KLF9: variants seen among roughly 807,000 people sequenced by gnomAD.
KLF9 encodes the protein KLF transcription factor 9.
KLF9 carries 2 observed loss-of-function variants against 17.3 expected under a neutral mutation model. That is an observed-to-expected ratio of 0.12 (90% CI 0.05 to 0.36). The LOEUF (loss-of-function observed/expected upper bound fraction) is 0.36. Among genes scored for constraint, KLF9 ranks in the 10% least tolerant of loss-of-function variants. KLF9 has a pLI of 1.00. For synonymous variants in KLF9, 138 were observed against 139.2 expected (o/e 0.99, Z 0.06); for missense variants, 226 against 333.2 (o/e 0.68, Z 2.51).
At chr9:70,395,662 G>A (rs1205795509) in intron 1 of KLF9, among the ~76,000 whole-genome samples, 5 of 152,200 alleles carry the variant, frequency 3.3e-5, no homozygotes, top group African/African-American at 1.2e-4. Flanking sequence ...AAGAAATACT[G>A]GCCAGACGTG....
chr9:70,386,750 G>A lies in KLF9; in HGVS notation c.*1026C>T, dbSNP rs767677852. 1 of 152,308 alleles carries A rather than the reference G, an allele frequency of 6.6e-6. No individual in the cohort carries two copies. Among genetic ancestry groups the A allele is most frequent in the Non-Finnish European group, 1.5e-5 (1 of 68,046 alleles). 9.4% of individuals were successfully genotyped at this position (152,308 alleles called of 1,614,324 possible). Reference sequence around the variant, plus strand: ...TAAAAGCATAGGAAAATTTGGAAAAGTTAATAGAGTTAAAATTCTGTTGGT... The same window carrying A: ...TAAAAGCATAGGAAAATTTGGAAAAATTAATAGAGTTAAAATTCTGTTGGT... On this transcript the variant is annotated 3_prime_UTR_variant, in exon 2 of 2. Coordinates refer to ENST00000377126, the MANE Select transcript of KLF9 (RefSeq NM_001206.4).
At chr9:70,392,410 G>A (rs992157797) in intron 1 of KLF9, among the ~76,000 whole-genome samples, 3 of 152,122 alleles carry the variant, frequency 2.0e-5, no homozygotes, top group Non-Finnish European at 2.9e-5. Context: ...TGGTGTGTAC[G>A]CAGGCTGGAT....
chr9:70,409,200 GTA>G (rs35616865), intron 1 of KLF9, among the ~76,000 whole-genome samples: 20,929 of 118,552 alleles, frequency 0.18, 3,729 homozygotes, highest in African/African-American at 0.35. Flanking sequence ...ACATGTATAT[GTA>G]TATATATATA....
intron 1 of KLF9, among the ~76,000 whole-genome samples, chr9:70,411,871 A>G (rs149902358): frequency 3.7e-4 from 57 of 152,326 alleles, no homozygotes; most frequent in African/African-American, 1.3e-3. Flanking sequence ...TAAAAGAACC[A>G]TTCCGAAGAT....
intron 1 of KLF9, among the ~76,000 whole-genome samples, chr9:70,402,641 T>G (rs1367539619): frequency 6.6e-6 from 1 of 152,206 alleles, no homozygotes; most frequent in Non-Finnish European, 1.5e-5. Flanking sequence ...AGTGGGTGTT[T>G]GCCTAAGCGT....
chr9:70,387,752 T>C lies in KLF9; in HGVS notation c.*24A>G, dbSNP rs201079465. ...CTTTTCTCCTTTCGGGGTCCATCCCTCCCTGGCTTCCACGGGCAGCACCTC... is the reference window on the plus strand; with the variant it reads ...CTTTTCTCCTTTCGGGGTCCATCCCCCCCTGGCTTCCACGGGCAGCACCTC... On this transcript the variant is annotated 3_prime_UTR_variant, in exon 2 of 2. Transcript: ENST00000377126. 1.2e-6 allele frequency: 2 copies of C among 1,607,618 alleles called. No individual in the cohort carries two copies. The highest frequency in any genetic ancestry group is 4.5e-5 in the East Asian group (2 of 44,744).
chr9:70,398,489 A>T (rs938980722), intron 1 of KLF9, among the ~76,000 whole-genome samples: 3 of 143,384 alleles, frequency 2.1e-5, no homozygotes, highest in East Asian at 2.0e-4. Context: ...AGATAACAGA[A>T]TTTTTTTTTT....
chr9:70,409,058 GTGTA>G (rs2037280968), intron 1 of KLF9, among the ~76,000 whole-genome samples: 1 of 79,650 alleles, frequency 1.3e-5, no homozygotes. Context: ...ATACATATAT[GTGTA>G]TATATATGTG....
intron 1 of KLF9, among the ~76,000 whole-genome samples, chr9:70,388,617 A>G (rs2037130953): frequency 6.6e-6 from 1 of 152,156 alleles, no homozygotes; most frequent in Admixed American, 6.5e-5. Flanking sequence ...TTTCAAGAGT[A>G]AAAAAGCTGA....
At chr9:70,406,894 A>G (rs1369143169) in intron 1 of KLF9, among the ~76,000 whole-genome samples, 1 of 125,690 alleles carries the variant, frequency 8.0e-6, no homozygotes, top group Non-Finnish European at 1.9e-5. Context: ...AGAGAGAGAG[A>G]GAGAGAAAAA....
chr9:70,409,214 A>G (rs1178436465), intron 1 of KLF9, among the ~76,000 whole-genome samples: 1 of 132,960 alleles, frequency 7.5e-6, no homozygotes, highest in African/African-American at 2.8e-5. Flanking sequence ...ATATATATAC[A>G]TATATGTATA....
At chr9:70,388,078 T>C (rs2037126774) in intron 1 of KLF9, 73 bp from the exon 2 acceptor site, 2 of 1,159,384 alleles carry the variant, frequency 1.7e-6, no homozygotes. Context: ...TCATGGTCAA[T>C]AGTCCCTACG....
intron 1 of KLF9, among the ~76,000 whole-genome samples, chr9:70,407,167 T>C (rs943992619): frequency 3.9e-5 from 6 of 152,190 alleles, no homozygotes; most frequent in African/African-American, 1.4e-4. Context: ...TGTCATATGA[T>C]GTTTCTCCCT....
intron 1 of KLF9, among the ~76,000 whole-genome samples, chr9:70,409,299 A>C (rs930860163): frequency 1.1e-4 from 16 of 149,136 alleles, no homozygotes; most frequent in African/African-American, 3.9e-4. Context: ...GATCTTCAGA[A>C]TCCTATAACC....
chr9:70,401,339 C>T (rs549611378), intron 1 of KLF9, among the ~76,000 whole-genome samples: 1 of 150,394 alleles, frequency 6.6e-6, no homozygotes, highest in African/African-American at 2.4e-5. Flanking sequence ...AGAGTGAGAC[C>T]CCATCTCAGG....
chr9:70,406,329 C>G (rs1001197456), intron 1 of KLF9, among the ~76,000 whole-genome samples: 3 of 152,146 alleles, frequency 2.0e-5, no homozygotes, highest in Non-Finnish European at 4.4e-5. Context: ...AGATAGGCAG[C>G]TTTTGAAACC....
intron 1 of KLF9, among the ~76,000 whole-genome samples, chr9:70,405,109 C>T (rs1420798712): frequency 1.3e-5 from 2 of 152,188 alleles, no homozygotes; most frequent in African/African-American, 4.8e-5. Context: ...TTTCTTCTCC[C>T]TCTATTTCTT....
intron 1 of KLF9, among the ~76,000 whole-genome samples, chr9:70,408,579 G>A (rs577973317): frequency 1.3e-5 from 2 of 152,226 alleles, no homozygotes; most frequent in African/African-American, 4.8e-5. Context: ...TTAGTCTAGG[G>A]CAAGGCCTTG....
At chr9:70,395,269 G>C (rs1481606373) in intron 1 of KLF9, among the ~76,000 whole-genome samples, 2 of 151,954 alleles carry the variant, frequency 1.3e-5, no homozygotes, top group African/African-American at 4.8e-5. Flanking sequence ...TCAGGTAAAA[G>C]AAAAAAATTA....
Sources: allele counts gnomAD v4.1 joint callset (sites outside exome capture counted in the v4.1 genomes callset), GRCh38; gene constraint gnomAD v4.1.1; transcripts MANE v1.5; gene names NCBI Gene and HGNC (gene_info 2026-07-23, HGNC 2026-07-21).